Variants in PHF14 observed in about 807,000 individuals in gnomAD.
PHF14 encodes PHD finger protein 14.
Under a neutral mutation model 117.9 loss-of-function variants are expected in PHF14, and 55 were observed. The ratio of observed to expected loss-of-function variants is 0.47; its 90% CI spans 0.38 to 0.58. The LOEUF (loss-of-function observed/expected upper bound fraction) is 0.58, where lower values mean the gene tolerates loss of function less well. Ranked by LOEUF, PHF14 falls within the 20% of genes least tolerant of loss-of-function variation. The pLI is 0.00. For synonymous variants in PHF14, 409 were observed against 368.6 expected (o/e 1.11, Z -1.26); for missense variants, 978 against 1,122.2 (o/e 0.87, Z 1.84).
intron 17 of PHF14, among the ~76,000 whole-genome samples, chr7:11,112,012 C>T (rs1787463523): frequency 6.6e-6 from 1 of 151,264 alleles, no homozygotes; most frequent in African/African-American, 2.4e-5. Context: ...TAGATTATAC[C>T]CCCAAATCAG....
intron 13 of PHF14, among the ~76,000 whole-genome samples, chr7:11,044,012 A>G (rs1321369295): frequency 6.6e-6 from 1 of 151,916 alleles, no homozygotes; most frequent in Non-Finnish European, 1.5e-5. Flanking sequence ...ACACAAAAAA[A>G]GGGAAATCAT....
chr7:11,064,540 T>C (rs67424072), intron 16 of PHF14, among the ~76,000 whole-genome samples: 13 of 151,932 alleles, frequency 8.6e-5, no homozygotes, highest in Non-Finnish European at 1.8e-4. Flanking sequence ...TCAAGTTCTT[T>C]TAAACTGATG....
chr7:11,129,370 G>A (rs1301728156), intron 17 of PHF14, among the ~76,000 whole-genome samples: 1 of 151,974 alleles, frequency 6.6e-6, no homozygotes, highest in African/African-American at 2.4e-5. Flanking sequence ...ATTTTCTTAT[G>A]TAGTTCACTC....
intron 17 of PHF14, among the ~76,000 whole-genome samples, chr7:11,112,501 G>A (rs961141515): frequency 6.6e-6 from 1 of 151,772 alleles, no homozygotes; most frequent in Non-Finnish European, 1.5e-5. Context: ...TTTTTGCCGG[G>A]TGGCTCACAC....
chr7:11,158,544 A>G (rs1788929606), intron 17 of PHF14, among the ~76,000 whole-genome samples: 1 of 152,122 alleles, frequency 6.6e-6, no homozygotes, highest in African/African-American at 2.4e-5. Context: ...TTGCTTTAAC[A>G]AAGTAGTTTT....
At chr7:10,981,143 A>T (rs1583324432) in intron 2 of PHF14, among the ~76,000 whole-genome samples, 1 of 152,216 alleles carries the variant, frequency 6.6e-6, no homozygotes, top group Non-Finnish European at 1.5e-5. Flanking sequence ...CTAATTACAG[A>T]CAGCTTCCTT....
chr7:11,030,846 A>G (rs1784097465), intron 7 of PHF14, among the ~76,000 whole-genome samples: 1 of 152,204 alleles, frequency 6.6e-6, no homozygotes. Flanking sequence ...TATATATGTT[A>G]CTGGTTTCTT....
At chr7:11,166,302 C>G (rs769700991) in intron 17 of PHF14, among the ~76,000 whole-genome samples, 1 of 151,210 alleles carries the variant, frequency 6.6e-6, no homozygotes, top group Non-Finnish European at 1.5e-5. Flanking sequence ...CATTGGGAAA[C>G]AAACAGATGT....
chr7:11,104,045 A>G (rs1787177596), intron 16 of PHF14: 3 of 984,710 alleles, frequency 3.0e-6, no homozygotes, highest in South Asian at 9.4e-5. Flanking sequence ...TCTAAGTGGA[A>G]TATACTAATC....
At chr7:11,148,205 G>T (rs1281501790) in intron 17 of PHF14, among the ~76,000 whole-genome samples, 4 of 152,082 alleles carry the variant, frequency 2.6e-5, no homozygotes, top group Admixed American at 1.3e-4. Flanking sequence ...ACCTCAACCA[G>T]AATAAGCTTA....
chr7:11,066,334 A>G (rs987868412), intron 16 of PHF14, among the ~76,000 whole-genome samples: 2 of 152,206 alleles, frequency 1.3e-5, no homozygotes, highest in African/African-American at 2.4e-5. Flanking sequence ...TTCTTGACGC[A>G]GTACAGCCTC....
intron 17 of PHF14, among the ~76,000 whole-genome samples, chr7:11,134,514 A>G (rs1317647935): frequency 1.3e-5 from 2 of 152,056 alleles, no homozygotes; most frequent in Admixed American, 6.6e-5. Flanking sequence ...AGCCACTTGT[A>G]TGGTTAAATA....
intron 17 of PHF14, among the ~76,000 whole-genome samples, chr7:11,116,625 C>T (rs556533702): frequency 3.3e-5 from 5 of 151,832 alleles, no homozygotes; most frequent in Non-Finnish European, 7.4e-5. Flanking sequence ...TACTCCTGCC[C>T]ACATGGATAC....
chr7:10,999,515 G>C (rs1260333416), intron 4 of PHF14, among the ~76,000 whole-genome samples: 1 of 152,024 alleles, frequency 6.6e-6, no homozygotes, highest in Non-Finnish European at 1.5e-5. Flanking sequence ...AATGACCCTC[G>C]CTCTCTATTT....
chr7:11,001,465 A>G (rs1782870552), intron 4 of PHF14, among the ~76,000 whole-genome samples: 1 of 152,176 alleles, frequency 6.6e-6, no homozygotes, highest in Non-Finnish European at 1.5e-5. Flanking sequence ...ATTTTATTGA[A>G]TCTATAGATC....
At chr7:10,980,391 G>A (rs373003305) in intron 2 of PHF14, among the ~76,000 whole-genome samples, 1 of 152,232 alleles carries the variant, frequency 6.6e-6, no homozygotes, top group African/African-American at 2.4e-5. Context: ...TCTTAGAAGT[G>A]TTGAGTCAAC....
At chr7:11,102,923 A>G in intron 16 of PHF14, 1 of 1,057,716 alleles carries the variant, frequency 9.5e-7, no homozygotes, top group Non-Finnish European at 1.1e-6. Context: ...GAGTTACTGA[A>G]GCCTGTGGGA....
intron 7 of PHF14, among the ~76,000 whole-genome samples, chr7:11,031,590 CAA>C (rs34770071): frequency 1.7e-4 from 21 of 126,862 alleles, no homozygotes; most frequent in Admixed American, 1.6e-4. Flanking sequence ...CCATCTCTAC[CAA>C]AAAAAAAAAA....
At chr7:11,063,593 TA>T (rs1198414245) in intron 16 of PHF14, 3 of 967,922 alleles carry the variant, frequency 3.1e-6, no homozygotes, top group African/African-American at 3.5e-5. Flanking sequence ...TGTGTCTTAC[TA>T]ATTTTTTTTT....
Sources: allele counts gnomAD v4.1 joint callset (sites outside exome capture counted in the v4.1 genomes callset), GRCh38; gene constraint gnomAD v4.1.1; transcripts MANE v1.5; gene names NCBI Gene and HGNC (gene_info 2026-07-23, HGNC 2026-07-21).